SLCO1B3: variants seen among roughly 807,000 people sequenced by gnomAD.
SLCO1B3 encodes the protein solute carrier organic anion transporter family member 1B3, also known as liver-specific organic anion transporter 2.
A neutral mutation model predicts 71.8 loss-of-function variants in SLCO1B3; 72 were observed. The observed-to-expected ratio is 1.00, with a 90% CI of 0.83 to 1.22. The LOEUF (loss-of-function observed/expected upper bound fraction) is 1.22, where lower values mean the gene tolerates loss of function less well. Ranked by LOEUF, SLCO1B3 falls within the 50% of genes most tolerant of loss-of-function variation. The pLI is 0.00. For missense variants in SLCO1B3, 911 were observed against 819.7 expected (o/e 1.11, Z -1.36); for synonymous variants, 298 against 278.4 (o/e 1.07, Z -0.70).
intron 3 of SLCO1B3, among the ~76,000 whole-genome samples, chr12:20,826,051 G>T (rs1306257767): frequency 1.3e-5 from 2 of 152,090 alleles, no homozygotes; most frequent in East Asian, 3.8e-4. Context: ...TTCCTATGAG[G>T]AGTACATTTA....
intron 5 of SLCO1B3, among the ~76,000 whole-genome samples, chr12:20,859,490 T>A (rs114411764): frequency 2.1e-5 from 3 of 140,582 alleles, no homozygotes; most frequent in African/African-American, 5.0e-5. Context: ...TCTGTTTTTT[T>A]CCCCCTCTAC....
At chr12:20,818,902 T>C (rs1467720161) in intron 3 of SLCO1B3, among the ~76,000 whole-genome samples, 1 of 152,160 alleles carries the variant, frequency 6.6e-6, no homozygotes, top group African/African-American at 2.4e-5. Context: ...TGGATTGAAG[T>C]CCGGGCCAGG....
At chr12:20,858,950 A>G (rs1865199187) in intron 5 of SLCO1B3, 1 of 154,532 alleles carries the variant, frequency 6.5e-6, no homozygotes, top group African/African-American at 2.4e-5. Flanking sequence ...TCCCATCAGC[A>G]TTTCACTGAA....
At chr12:20,847,907 A>G (rs939198732) in intron 3 of SLCO1B3, among the ~76,000 whole-genome samples, 1 of 152,098 alleles carries the variant, frequency 6.6e-6, no homozygotes, top group Non-Finnish European at 1.5e-5. Flanking sequence ...AAGGAACTCC[A>G]AGTAAAAAAA....
chr12:20,829,401 G>C (rs973183111), intron 3 of SLCO1B3, among the ~76,000 whole-genome samples: 11 of 152,190 alleles, frequency 7.2e-5, no homozygotes, highest in Non-Finnish European at 1.5e-4. Context: ...CTTCAGAAAG[G>C]AGTTGTTGGT....
At chr12:20,892,047 T>C (rs1865915158) in intron 13 of SLCO1B3, among the ~76,000 whole-genome samples, 1 of 152,130 alleles carries the variant, frequency 6.6e-6, no homozygotes, top group Non-Finnish European at 1.5e-5. Context: ...TTGGATTCTT[T>C]ATCAGCATAT....
chr12:20,860,019 G>C (rs903565572), intron 5 of SLCO1B3, among the ~76,000 whole-genome samples: 1 of 147,178 alleles, frequency 6.8e-6, no homozygotes, highest in African/African-American at 2.5e-5. Context: ...GCAGTGGCGC[G>C]ATCTCGGCTC....
chr12:20,915,881 C>G (rs1163665968), intron 15 of SLCO1B3, 123 bp from the exon 16 acceptor site: 2 of 653,592 alleles, frequency 3.1e-6, no homozygotes, highest in Non-Finnish European at 5.1e-6. Context: ...GAATTGTTCT[C>G]TTAATATTTG....
intron 3 of SLCO1B3, among the ~76,000 whole-genome samples, chr12:20,822,808 A>G (rs1321232221): frequency 6.6e-6 from 1 of 152,234 alleles, no homozygotes; most frequent in Non-Finnish European, 1.5e-5. Flanking sequence ...AAGGAAGGGC[A>G]TCTTTTTGCA....
intron 15 of SLCO1B3, among the ~76,000 whole-genome samples, chr12:20,908,337 C>T (rs1468405299): frequency 3.9e-5 from 6 of 152,180 alleles, no homozygotes; most frequent in African/African-American, 1.4e-4. Flanking sequence ...CATCTCCCAT[C>T]AGGATGGTAC....
intron 3 of SLCO1B3, among the ~76,000 whole-genome samples, chr12:20,826,782 T>C (rs1211277415): frequency 1.3e-5 from 2 of 152,064 alleles, no homozygotes; most frequent in Admixed American, 6.5e-5. Flanking sequence ...ACTTTCTGTG[T>C]ATCTCTCTTA....
intron 3 of SLCO1B3, among the ~76,000 whole-genome samples, chr12:20,830,581 C>T (rs929681559): frequency 2.6e-5 from 4 of 152,138 alleles, no homozygotes; most frequent in African/African-American, 9.7e-5. Flanking sequence ...CTGTAGCTAC[C>T]TGCTTAGGAA....
chr12:20,831,501 A>C (rs149353685), intron 3 of SLCO1B3, among the ~76,000 whole-genome samples: 1 of 152,200 alleles, frequency 6.6e-6, no homozygotes, highest in Non-Finnish European at 1.5e-5. Context: ...CATTGAAAGA[A>C]TATTAACCTC....
chr12:20,884,150 A>T (rs1358457448), intron 13 of SLCO1B3, among the ~76,000 whole-genome samples: 1 of 152,214 alleles, frequency 6.6e-6, no homozygotes, highest in Non-Finnish European at 1.5e-5. Context: ...TTATTTAGAC[A>T]GGATATGATG....
At chr12:20,910,211 A>G (rs953703717) in intron 15 of SLCO1B3, among the ~76,000 whole-genome samples, 3 of 152,180 alleles carry the variant, frequency 2.0e-5, no homozygotes, top group Non-Finnish European at 2.9e-5. Context: ...TGCAAATACT[A>G]TATTTTCTCC....
chr12:20,901,270 A>C, intron 14 of SLCO1B3, 80 bp from the exon 15 acceptor site: 1 of 933,076 alleles, frequency 1.1e-6, no homozygotes, highest in Non-Finnish European at 1.6e-6. Flanking sequence ...TATTAATCCA[A>C]AATGTATCAA....
chr12:20,894,470 C>G (rs893896283), intron 13 of SLCO1B3, among the ~76,000 whole-genome samples: 2 of 152,122 alleles, frequency 1.3e-5, no homozygotes, highest in Non-Finnish European at 2.9e-5. Context: ...CAGGCCAGCT[C>G]TTAGGAAAAT....
At chr12:20,853,860 C>A (rs35362531) in intron 3 of SLCO1B3, among the ~76,000 whole-genome samples, 15,841 of 149,762 alleles carry the variant, frequency 0.11, 1,110 homozygotes, top group Middle Eastern at 0.23. Context: ...TATAAACTTT[C>A]CCTTTAGTGC....
At chr12:20,911,525 T>G (rs928227035) in intron 15 of SLCO1B3, among the ~76,000 whole-genome samples, 1 of 152,176 alleles carries the variant, frequency 6.6e-6, no homozygotes, top group Non-Finnish European at 1.5e-5. Context: ...TATAAATTCT[T>G]ACTTAAGTGT....
Sources: allele counts gnomAD v4.1 joint callset (sites outside exome capture counted in the v4.1 genomes callset), GRCh38; gene constraint gnomAD v4.1.1; transcripts MANE v1.5; gene names NCBI Gene and HGNC (gene_info 2026-07-23, HGNC 2026-07-21).